Variants in GSTCD observed in about 807,000 individuals in gnomAD.
GSTCD encodes the protein glutathione S-transferase C-terminal domain-containing protein.
A neutral mutation model predicts 68.3 loss-of-function variants in GSTCD; 44 were observed. The ratio of observed to expected loss-of-function variants is 0.64; its 90% CI spans 0.51 to 0.83. The LOEUF is 0.83. GSTCD is among the 40% of genes least tolerant of loss of function. GSTCD has a pLI of 0.00. For missense variants in GSTCD, 739 were observed against 735.9 expected, an observed-to-expected ratio of 1.00 and a Z score of -0.05; for synonymous variants, 273 against 255.2, an observed-to-expected ratio of 1.07 and a Z score of -0.67.
chr4:105,738,247 G>A (rs1310596568), intron 5 of GSTCD, among the ~76,000 whole-genome samples: 22 of 152,148 alleles, frequency 1.4e-4, no homozygotes, highest in Admixed American at 1.4e-3. Flanking sequence ...CTTGGTCTAT[G>A]TGTCTGTTTT....
chr4:105,835,633 CCTT>C (rs895260316), intron 9 of GSTCD, among the ~76,000 whole-genome samples: 4 of 152,048 alleles, frequency 2.6e-5, no homozygotes, highest in South Asian at 2.1e-4. Flanking sequence ...TCTCTTCTCT[CCTT>C]CTCTCTTCTC....
intron 5 of GSTCD, among the ~76,000 whole-genome samples, chr4:105,817,132 TATA>T (rs1466943163): frequency 6.6e-6 from 1 of 151,884 alleles, no homozygotes; most frequent in African/African-American, 2.4e-5. Context: ...TAAGCACAAA[TATA>T]ATGTTTTGTA....
rs1732736849 is a variant in GSTCD, at chr4:105,717,992, T to C, written c.379T>C (p.Leu127=). ...YEADPLKKEL[L]ELLGFKKTCL... is the part of the protein sequence containing the mutation. ...AGCAGACCCCTTAAAGAAGGAACTT[T>C]TGGAACTTCTGGGCTTTAAAAAGAC... Residue 127 remains leucine (L), a synonymous_variant, in exon 2 of 12, where the codon TTG becomes CTG. Transcript: ENST00000515279. The C allele has an allele frequency of 1.2e-6, 2 of 1,612,672 alleles. No individual in the cohort carries two copies. Among genetic ancestry groups the C allele is most frequent in the Non-Finnish European group, 1.7e-6 (2 of 1,179,528 alleles).
intron 5 of GSTCD, among the ~76,000 whole-genome samples, chr4:105,735,494 C>T (rs959415074): frequency 6.6e-6 from 1 of 152,236 alleles, no homozygotes; most frequent in Non-Finnish European, 1.5e-5. Context: ...ATATAATCTC[C>T]TGGTGTGCCG....
chr4:105,774,926 C>T lies in GSTCD; in HGVS notation c.1240+45427C>T, dbSNP rs1368955774. Among the ~76,000 whole-genome samples the T allele has an allele frequency of 3.9e-5, 6 of 152,246 alleles. No homozygotes were observed. In the South Asian group the frequency reaches 8.3e-4, roughly 21 times the overall value. ...TTTCTAGACTGGTTGGGGTAGTTCT[C>T]CTGGATAATATCCCAAGGAGTGTTT... On this transcript the variant is annotated intron_variant, in intron 5 of 11. Transcript: ENST00000515279.
chr4:105,812,034 A>G (rs1358880382), intron 5 of GSTCD, among the ~76,000 whole-genome samples: 2 of 152,198 alleles, frequency 1.3e-5, no homozygotes, highest in African/African-American at 2.4e-5. Context: ...AATCTGATCT[A>G]CAGTTCTAGA....
chr4:105,839,320 A>G (rs1195247950), intron 10 of GSTCD, among the ~76,000 whole-genome samples: 1 of 152,216 alleles, frequency 6.6e-6, no homozygotes, highest in Non-Finnish European at 1.5e-5. Flanking sequence ...TCACAAGGCT[A>G]TGTCAATAAA....
At chr4:105,836,287 T>TA (rs1724114994) in intron 9 of GSTCD, among the ~76,000 whole-genome samples, 1 of 152,184 alleles carries the variant, frequency 6.6e-6, no homozygotes, top group Non-Finnish European at 1.5e-5. Flanking sequence ...CCGGGGTTTT[T>TA]ATGGACTCCA....
At chr4:105,791,262 G>A (rs1276325293) in intron 5 of GSTCD, among the ~76,000 whole-genome samples, 2 of 151,658 alleles carry the variant, frequency 1.3e-5, no homozygotes, top group African/African-American at 4.9e-5. Flanking sequence ...GCGTGGTGGT[G>A]GGCGCCTGTA....
rs1245217940 is a variant in GSTCD, at chr4:105,715,013, G to A, written c.-21-2580G>A. Among the ~76,000 whole-genome samples the A allele has an allele frequency of 2.6e-5, 4 of 152,208 alleles. No individual in the cohort carries two copies. The South Asian group carries it at 6.2e-4, about 24-fold the overall frequency. ...TTTAAAAAGTGTTAGGATGAGCCTC[G>A]TAATTACTATTTTTTAGACTGTTGG... On this transcript the variant is annotated intron_variant, in intron 1 of 11. Transcript: ENST00000515279.
At chr4:105,800,997 A>T (rs1736086220) in intron 5 of GSTCD, among the ~76,000 whole-genome samples, 1 of 152,150 alleles carries the variant, frequency 6.6e-6, no homozygotes. Context: ...GGCACATCAC[A>T]GCCTTCTTGT....
chr4:105,753,962 A>C (rs1056057782), intron 5 of GSTCD, among the ~76,000 whole-genome samples: 2 of 151,178 alleles, frequency 1.3e-5, no homozygotes, highest in Admixed American at 1.3e-4. Flanking sequence ...TAAACTTTCA[A>C]GATTTTTTTT....
intron 9 of GSTCD, among the ~76,000 whole-genome samples, chr4:105,837,250 C>G (rs1016521078): frequency 6.6e-6 from 1 of 152,158 alleles, no homozygotes; most frequent in Non-Finnish European, 1.5e-5. Flanking sequence ...CCACAACTAC[C>G]TCCTTTATCA....
intron 5 of GSTCD, among the ~76,000 whole-genome samples, chr4:105,771,369 T>C (rs758433171): frequency 9.2e-5 from 14 of 152,180 alleles, no homozygotes; most frequent in Non-Finnish European, 1.8e-4. Flanking sequence ...AGCTCTTTAG[T>C]TTAATTAAAT....
At chr4:105,769,231 GCGCA>G (rs199618649) in intron 5 of GSTCD, among the ~76,000 whole-genome samples, 7,440 of 60,128 alleles carry the variant, frequency 0.12, 219 homozygotes, top group Middle Eastern at 0.22. Context: ...CTATACACGC[GCGCA>G]CACACACACA....
chr4:105,829,978 A>G (rs76817161), intron 8 of GSTCD, among the ~76,000 whole-genome samples: 8,280 of 152,230 alleles, frequency 0.054, 256 homozygotes, highest in Middle Eastern at 0.13. Context: ...AAAAAAAGAA[A>G]AAGAAAAATG....
At chr4:105,740,069 T>G (rs1733584012) in intron 5 of GSTCD, among the ~76,000 whole-genome samples, 1 of 151,852 alleles carries the variant, frequency 6.6e-6, no homozygotes, top group Admixed American at 6.6e-5. Context: ...GCCTCAGAAA[T>G]GAAGGGATAT....
intron 5 of GSTCD, among the ~76,000 whole-genome samples, chr4:105,766,271 C>G (rs1353960600): frequency 6.6e-6 from 1 of 152,136 alleles, no homozygotes; most frequent in Non-Finnish European, 1.5e-5. Context: ...AGAGGACTGT[C>G]TAGATAAGCT....
chr4:105,790,844 TTA>T (rs1014089973), intron 5 of GSTCD, among the ~76,000 whole-genome samples: 13 of 152,070 alleles, frequency 8.5e-5, no homozygotes, highest in African/African-American at 3.1e-4. Flanking sequence ...TTTAAAAATT[TTA>T]TGTTTTCAGA....
Sources: allele counts gnomAD v4.1 joint callset (sites outside exome capture counted in the v4.1 genomes callset), GRCh38; gene constraint gnomAD v4.1.1; transcripts MANE v1.5; gene names NCBI Gene and HGNC (gene_info 2026-07-23, HGNC 2026-07-21).